The following DNAJC12 variants were observed in gnomAD, a reference collection of about 807,000 sequenced individuals.
DNAJC12 encodes the protein DnaJ heat shock protein family (Hsp40) member C12.
In DNAJC12, 25 loss-of-function variants were observed where a neutral mutation model predicts 28.5. The ratio of observed to expected loss-of-function variants is 0.88; its 90% CI spans 0.64 to 1.22. The LOEUF is 1.22. Among genes scored for constraint, DNAJC12 ranks in the 50% most tolerant of loss-of-function variants. The probability of loss-of-function intolerance (pLI) is 0.00; values close to 1 mark genes in which losing one functional copy is unlikely to be tolerated. For synonymous variants in DNAJC12, 77 were observed against 80.6 expected, an observed-to-expected ratio of 0.95 and a Z score of 0.24; for missense variants, 222 against 231.7, an observed-to-expected ratio of 0.96 and a Z score of 0.27.
At chr10:67,833,894 C>T (rs1308608047) in intron 1 of DNAJC12, 1 of 482,588 alleles carries the variant, frequency 2.1e-6, no homozygotes, top group Non-Finnish European at 4.3e-6. Flanking sequence ...CAAAATCTGC[C>T]TTCAGTGGTG....
At chr10:67,799,273 G>T (rs1038950238) in intron 4 of DNAJC12, among the ~76,000 whole-genome samples, 62 of 152,136 alleles carry the variant, frequency 4.1e-4, no homozygotes, top group African/African-American at 1.4e-3. Flanking sequence ...GTTAACAATG[G>T]TTATCTCAGA....
intron 3 of DNAJC12, among the ~76,000 whole-genome samples, chr10:67,807,861 T>C (rs1841818778): frequency 6.6e-6 from 1 of 152,254 alleles, no homozygotes; most frequent in African/African-American, 2.4e-5. Flanking sequence ...ATAGTAGTCT[T>C]ATCCATCTCC....
chr10:67,825,036 G>T (rs1022106285), intron 1 of DNAJC12, among the ~76,000 whole-genome samples: 1 of 152,192 alleles, frequency 6.6e-6, no homozygotes, highest in Non-Finnish European at 1.5e-5. Context: ...TACCTGGGAA[G>T]ACGGCTTGGT....
At chr10:67,817,231 C>T (rs1044170507) in intron 2 of DNAJC12, among the ~76,000 whole-genome samples, 3 of 152,178 alleles carry the variant, frequency 2.0e-5, no homozygotes, top group African/African-American at 4.8e-5. Flanking sequence ...TTAATCTTCA[C>T]AGCAGATGCA....
At chr10:67,819,779 G>GAAGGGGAAGGAAGGAAGGAA (rs1268822734) in intron 2 of DNAJC12, among the ~76,000 whole-genome samples, 1 of 13,390 alleles carries the variant, frequency 7.5e-5, no homozygotes, top group African/African-American at 1.9e-4. Flanking sequence ...AGGAAGGAAG[G>GAAGGGGAAGGAAGGAAGGAA]GGAAGGAAGG....
At position 67,819,769 on chromosome 10, in the gene DNAJC12, A is replaced by AGGAG. The variant is rs1841963800; in HGVS notation, c.157+3544_157+3545insCTCC. On this transcript the variant is annotated intron_variant, in intron 2 of 4. Transcript: ENST00000225171. ...AAGGAAGGAAGGAAGGAAGGAAGGA[A>AGGAG]GGAAGGAAGGGGAAGGAAGGAAGGA... is the stretch of plus-strand genomic sequence containing the variant. Among the ~76,000 whole-genome samples, 4 of 25,158 alleles carry AGGAG rather than the reference A, an allele frequency of 1.6e-4. 1 individual carries two copies. The highest frequency in any genetic ancestry group is 4.8e-4 in the Admixed American group (1 of 2,104). 16.5% of individuals were successfully genotyped at this position (25,158 alleles called of 152,430 possible).
At chr10:67,827,008 G>A (rs1231866449) in intron 1 of DNAJC12, among the ~76,000 whole-genome samples, 1 of 147,124 alleles carries the variant, frequency 6.8e-6, no homozygotes, top group South Asian at 2.1e-4. Flanking sequence ...CTTTTAAATA[G>A]ATAAAATTAT....
chr10:67,823,432 A>G, intron 1 of DNAJC12, 40 bp from the exon 2 acceptor site: 1 of 1,570,676 alleles, frequency 6.4e-7, no homozygotes, highest in Non-Finnish European at 8.8e-7. Flanking sequence ...GAGTCATGCC[A>G]GGCGCAGTGA....
At chr10:67,837,638 A>G (rs1035556771) in intron 1 of DNAJC12, among the ~76,000 whole-genome samples, 1 of 152,188 alleles carries the variant, frequency 6.6e-6, no homozygotes, top group Admixed American at 6.5e-5. Context: ...TTACAATAAA[A>G]TTTCAAATAT....
chr10:67,837,723 C>T (rs984761486), intron 1 of DNAJC12, among the ~76,000 whole-genome samples: 5 of 152,172 alleles, frequency 3.3e-5, no homozygotes, highest in African/African-American at 7.2e-5. Context: ...CAGAAGCTTC[C>T]GTAAAATTCC....
chr10:67,823,440 T>G (rs933933300), intron 1 of DNAJC12, 48 bp from the exon 2 acceptor site: 1 of 1,538,238 alleles, frequency 6.5e-7, no homozygotes, highest in Admixed American at 1.7e-5. Flanking sequence ...CCAGGCGCAG[T>G]GACTCACGCC....
chr10:67,822,719 C>T (rs538488632), intron 2 of DNAJC12, among the ~76,000 whole-genome samples: 39 of 152,090 alleles, frequency 2.6e-4, no homozygotes, highest in Non-Finnish European at 4.1e-4. Context: ...ACCGCCTAGC[C>T]GGGCACACGC....
chr10:67,819,291 C>A (rs866460188), intron 2 of DNAJC12, among the ~76,000 whole-genome samples: 1 of 151,454 alleles, frequency 6.6e-6, no homozygotes, highest in African/African-American at 2.4e-5. Flanking sequence ...CAAGAGATAG[C>A]GCCACTGTAC....
Position 67,797,009 on chromosome 10 carries a change from T to A in DNAJC12, c.*107A>T. ...GAGGAATCAATTAGTACTCAGCAAT[T>A]CACAGACATGACATAAACATGACAT... On this transcript the variant is annotated 3_prime_UTR_variant, in exon 5 of 5. Coordinates refer to ENST00000225171, the MANE Select transcript of DNAJC12 (RefSeq NM_021800.3). 1 of 800,782 alleles carries A rather than the reference T, an allele frequency of 1.2e-6. No homozygotes were observed. Among genetic ancestry groups the A allele is most frequent in the Non-Finnish European group, 2.0e-6 (1 of 510,214 alleles). 49.6% of individuals were successfully genotyped at this position (800,782 alleles called of 1,614,324 possible).
chr10:67,807,138 G>A (rs1299310549), intron 3 of DNAJC12, among the ~76,000 whole-genome samples: 1 of 151,750 alleles, frequency 6.6e-6, no homozygotes, highest in Admixed American at 6.6e-5. Flanking sequence ...GTGTGTGCCT[G>A]TAATCCCAGC....
chr10:67,826,480 AT>A (rs1308080363), intron 1 of DNAJC12, among the ~76,000 whole-genome samples: 3 of 145,986 alleles, frequency 2.1e-5, no homozygotes, highest in Non-Finnish European at 4.5e-5. Context: ...ATATATATAT[AT>A]AAGATGCTTA....
In DNAJC12 at chr10:67,797,263, T is replaced by C. The variant is rs193244860; in HGVS notation, c.503-53A>G. The stretch of plus-strand genomic sequence containing the variant: ...AAATCAGAAGTAGGAAAAGTCGATC[T>C]TGTTATAGTAAAACAGCTTGGGGAT... On this transcript the variant is annotated intron_variant, in intron 4 of 4. Transcript: ENST00000225171. 34 of 1,477,126 alleles carry C rather than the reference T, an allele frequency of 2.3e-5. No homozygotes were observed. In the Admixed American group the frequency reaches 5.5e-4, roughly 24 times the overall value. 91.5% of individuals were successfully genotyped at this position (1,477,126 alleles called of 1,614,324 possible). A position where few individuals can be genotyped will look rare whatever the true frequency, so the allele number is the denominator to read the frequency against.
intron 3 of DNAJC12, among the ~76,000 whole-genome samples, chr10:67,808,949 C>G (rs1370917741): frequency 6.6e-6 from 1 of 152,126 alleles, no homozygotes; most frequent in Non-Finnish European, 1.5e-5. Context: ...GATAGGTAGT[C>G]TATGGCCAGT....
intron 2 of DNAJC12, among the ~76,000 whole-genome samples, chr10:67,818,038 A>T (rs556014268): frequency 6.6e-6 from 1 of 152,228 alleles, no homozygotes; most frequent in African/African-American, 2.4e-5. Context: ...CCCCGTCTGT[A>T]CTAAAAATAC....
Sources: gnomAD v4.1 joint callset for allele counts (sites outside exome capture counted in the v4.1 genomes callset) on GRCh38, gnomAD v4.1.1 for gene constraint, MANE v1.5 for transcripts, NCBI Gene and HGNC (gene_info 2026-07-23, HGNC 2026-07-21) for gene names.